Variants in AUTS2 observed in about 807,000 individuals in gnomAD.
AUTS2 encodes the protein activator of transcription and developmental regulator AUTS2, also known as autism susceptibility gene 2 protein.
AUTS2 carries 17 observed loss-of-function variants against 112.4 expected under a neutral mutation model. That is an observed-to-expected ratio of 0.15 (90% CI 0.10 to 0.23). AUTS2 has a LOEUF of 0.23. AUTS2 is among the 10% of genes least tolerant of loss of function. The pLI, the probability that AUTS2 is intolerant of heterozygous loss-of-function variation, is 1.00. For synonymous variants in AUTS2, 751 were observed against 702.7 expected (o/e 1.07, Z -1.09); for missense variants, 1,510 against 1,701.6 (o/e 0.89, Z 1.98).
intron 1 of AUTS2, among the ~76,000 whole-genome samples, chr7:69,674,342 G>A (rs1196928753): frequency 6.6e-6 from 1 of 152,192 alleles, no homozygotes; most frequent in Non-Finnish European, 1.5e-5. Flanking sequence ...GAGTGGCATA[G>A]TGGTTAAGAC....
intron 15 of AUTS2, chr7:70,781,989 T>C (rs1045563283): frequency 1.1e-5 from 6 of 546,830 alleles, no homozygotes; most frequent in Non-Finnish European, 1.9e-5. Flanking sequence ...GGGATTCACA[T>C]TGCTTCGGTT....
At chr7:69,985,118 C>T (rs147692321) in intron 2 of AUTS2, among the ~76,000 whole-genome samples, 4 of 151,376 alleles carry the variant, frequency 2.6e-5, no homozygotes, top group Non-Finnish European at 5.9e-5. Context: ...GTAATCCCAG[C>T]GCTGTGGGAG....
intron 5 of AUTS2, among the ~76,000 whole-genome samples, chr7:70,450,954 A>T (rs1796506926): frequency 6.6e-6 from 1 of 151,964 alleles, no homozygotes; most frequent in African/African-American, 2.4e-5. Context: ...AAGTGGGGGG[A>T]TGGAGAAAAT....
intron 4 of AUTS2, among the ~76,000 whole-genome samples, chr7:70,163,360 A>G (rs1027166256): frequency 0.015 from 37 of 2,448 alleles, no homozygotes; most frequent in Admixed American, 0.026. Flanking sequence ...GGGGGGGGGC[A>G]GAGGGGGAGG....
chr7:70,108,551 CT>C (rs1289431887), intron 2 of AUTS2, among the ~76,000 whole-genome samples: 2 of 152,060 alleles, frequency 1.3e-5, no homozygotes, highest in East Asian at 1.9e-4. Context: ...ATTGCTCCCC[CT>C]ATCCCCTGGA....
intron 1 of AUTS2, among the ~76,000 whole-genome samples, chr7:69,749,108 G>A (rs1028580179): frequency 1.3e-5 from 2 of 152,144 alleles, no homozygotes; most frequent in African/African-American, 4.8e-5. Flanking sequence ...GATTGAATGA[G>A]ATGATGTAAG....
At chr7:70,066,024 A>C (rs1235814374) in intron 2 of AUTS2, among the ~76,000 whole-genome samples, 3 of 152,208 alleles carry the variant, frequency 2.0e-5, no homozygotes, top group Admixed American at 2.0e-4. Flanking sequence ...ATTAAGGCTT[A>C]TAAGATCAGT....
intron 1 of AUTS2, among the ~76,000 whole-genome samples, chr7:69,816,867 G>A (rs986086683): frequency 1.3e-5 from 2 of 152,138 alleles, no homozygotes; most frequent in Non-Finnish European, 2.9e-5. Context: ...CCTGCTCAAA[G>A]TATGTCATTC....
chr7:70,681,523 A>T (rs960985231), intron 5 of AUTS2, among the ~76,000 whole-genome samples: 2 of 128,008 alleles, frequency 1.6e-5, no homozygotes, highest in African/African-American at 5.7e-5. Flanking sequence ...ATATATATAT[A>T]TATTTTTTTT....
intron 3 of AUTS2, among the ~76,000 whole-genome samples, chr7:70,124,311 T>C (rs1052089418): frequency 6.6e-6 from 1 of 152,206 alleles, no homozygotes; most frequent in African/African-American, 2.4e-5. Context: ...AGGTTGCCTG[T>C]TTACTCTGTT....
chr7:69,782,287 T>A (rs1268640515), intron 1 of AUTS2, among the ~76,000 whole-genome samples: 2 of 151,162 alleles, frequency 1.3e-5, no homozygotes, highest in Non-Finnish European at 2.9e-5. Context: ...CACTTGAGCC[T>A]GGGAGATCGA....
At chr7:70,113,674 C>T (rs1361386338) in intron 2 of AUTS2, among the ~76,000 whole-genome samples, 2 of 152,130 alleles carry the variant, frequency 1.3e-5, no homozygotes, top group Admixed American at 6.5e-5. Context: ...CTGCATAATT[C>T]GCATCATTCC....
At chr7:70,401,881 A>G (rs1191392109) in intron 4 of AUTS2, among the ~76,000 whole-genome samples, 1 of 152,230 alleles carries the variant, frequency 6.6e-6, no homozygotes, top group Non-Finnish European at 1.5e-5. Flanking sequence ...ATAGGACCAC[A>G]CATTTGAAAA....
chr7:69,787,201 A>G lies in AUTS2; in HGVS notation c.310-112085A>G, dbSNP rs1024314496. Reference sequence around the variant, plus strand: ...ACGTTGTTCTAAAATCAGAGGAGGAACATGCACTCTGATGACCAGACCCAA... The same window carrying G: ...ACGTTGTTCTAAAATCAGAGGAGGAGCATGCACTCTGATGACCAGACCCAA... On this transcript the variant is annotated intron_variant, in intron 1 of 18. Coordinates refer to ENST00000342771, the MANE Select transcript of AUTS2 (RefSeq NM_015570.4). 2.0e-5 allele frequency among the ~76,000 whole-genome samples: 3 copies of G among 152,224 alleles called. No individual in the cohort carries two copies. In the East Asian group the frequency reaches 5.8e-4, roughly 29 times the overall value.
intron 4 of AUTS2, among the ~76,000 whole-genome samples, chr7:70,338,085 G>T (rs1485558734): frequency 1.3e-5 from 2 of 152,168 alleles, no homozygotes; most frequent in Non-Finnish European, 2.9e-5. Context: ...CCAATCTCCA[G>T]TAATCTTCTT....
intron 4 of AUTS2, among the ~76,000 whole-genome samples, chr7:70,135,397 G>T (rs1806501138): frequency 6.6e-6 from 1 of 152,144 alleles, no homozygotes; most frequent in Non-Finnish European, 1.5e-5. Flanking sequence ...GGTGTTCTGA[G>T]TGATGAACAC....
intron 1 of AUTS2, chr7:69,825,814 G>C (rs181088247): frequency 4.2e-4 from 64 of 152,274 alleles, no homozygotes; most frequent in African/African-American, 1.4e-3. Context: ...AATGCTTGAG[G>C]CATAAAACTG....
intron 5 of AUTS2, among the ~76,000 whole-genome samples, chr7:70,585,331 C>A (rs919136217): frequency 6.6e-6 from 1 of 152,146 alleles, no homozygotes; most frequent in Non-Finnish European, 1.5e-5. Context: ...TGTTTTCTTG[C>A]GCTCAGAGCA....
chr7:70,250,694 T>G (rs1036932110), intron 4 of AUTS2, among the ~76,000 whole-genome samples: 7 of 152,272 alleles, frequency 4.6e-5, no homozygotes, highest in African/African-American at 1.2e-4. Context: ...CACTAAAGAA[T>G]GAGATCATAC....
Sources: gnomAD v4.1 joint callset for allele counts (sites outside exome capture counted in the v4.1 genomes callset) on GRCh38, gnomAD v4.1.1 for gene constraint, MANE v1.5 for transcripts, NCBI Gene and HGNC (gene_info 2026-07-23, HGNC 2026-07-21) for gene names.